The following FOXP1 variants were observed in gnomAD, a reference collection of about 807,000 sequenced individuals.
FOXP1 encodes forkhead box protein P1.
A neutral mutation model predicts 98.2 loss-of-function variants in FOXP1; 15 were observed. That is an observed-to-expected ratio of 0.15 (90% confidence interval 0.10 to 0.24). The LOEUF is 0.24. FOXP1 is among the 10% of genes least tolerant of loss of function. The pLI is 1.00. For synonymous variants in FOXP1, 371 were observed against 314.5 expected (o/e 1.18, Z -1.90); for missense variants, 633 against 848.5 (o/e 0.75, Z 3.15).
intron 10 of FOXP1, among the ~76,000 whole-genome samples, chr3:71,044,254 A>G (rs969806883): frequency 6.6e-6 from 1 of 152,230 alleles, no homozygotes; most frequent in Non-Finnish European, 1.5e-5. Context: ...ACTAAGAATA[A>G]TAGTACGAAG....
chr3:71,233,241 A>G (rs1371348199), intron 5 of FOXP1, among the ~76,000 whole-genome samples: 2 of 132,916 alleles, frequency 1.5e-5, no homozygotes, highest in Non-Finnish European at 1.6e-5. Flanking sequence ...GAGGGGAGGG[A>G]AGGGGAGAGG....
At chr3:71,300,777 A>G (rs1698171232) in intron 4 of FOXP1, among the ~76,000 whole-genome samples, 1 of 152,214 alleles carries the variant, frequency 6.6e-6, no homozygotes, top group Admixed American at 6.5e-5. Context: ...AGGTGGCGAA[A>G]TCATATCATC....
intron 2 of FOXP1, among the ~76,000 whole-genome samples, chr3:71,567,375 G>A (rs1017959145): frequency 1.3e-5 from 2 of 151,774 alleles, no homozygotes; most frequent in East Asian, 1.9e-4. Flanking sequence ...CCGAAACGCA[G>A]AGACTCCGTC....
chr3:71,093,385 C>A (rs2056108014), intron 7 of FOXP1, among the ~76,000 whole-genome samples: 1 of 149,218 alleles, frequency 6.7e-6, no homozygotes, highest in South Asian at 2.2e-4. Flanking sequence ...ATAATAGCCA[C>A]TGGCCACATA....
At chr3:71,362,061 G>A (rs2078606934) in intron 3 of FOXP1, among the ~76,000 whole-genome samples, 1 of 152,196 alleles carries the variant, frequency 6.6e-6, no homozygotes, top group Non-Finnish European at 1.5e-5. Context: ...CTGTGGACAA[G>A]TCTGACTTTT....
chr3:71,577,558 T>A (rs958684947), intron 2 of FOXP1, among the ~76,000 whole-genome samples: 6 of 152,206 alleles, frequency 3.9e-5, no homozygotes, highest in Non-Finnish European at 2.9e-5. Context: ...TTTTGGAGCC[T>A]TTATCCTTAA....
chr3:71,542,539 T>C (rs1291234757), intron 2 of FOXP1, among the ~76,000 whole-genome samples: 3 of 152,228 alleles, frequency 2.0e-5, no homozygotes, highest in African/African-American at 7.2e-5. Flanking sequence ...CGAAAATGAT[T>C]TCCCTGCCTC....
At chr3:71,418,518 T>C (rs908627569) in intron 3 of FOXP1, among the ~76,000 whole-genome samples, 2 of 152,202 alleles carry the variant, frequency 1.3e-5, no homozygotes, top group South Asian at 4.1e-4. Context: ...CTATAATAAT[T>C]CAATGCTGGT....
chr3:71,151,879 G>A (rs960755385), intron 6 of FOXP1, among the ~76,000 whole-genome samples: 1 of 152,066 alleles, frequency 6.6e-6, no homozygotes, highest in Non-Finnish European at 1.5e-5. Flanking sequence ...AACAATCCAC[G>A]AACAGTAGTG....
rs1013329420 is a variant in FOXP1, at chr3:70,954,894, CAAA to C, written c.*4350_*4352del. 4.3e-6 allele frequency: 1 copy of C among 232,488 alleles called. No individual in the cohort carries two copies. Among genetic ancestry groups the C allele is most frequent in the African/African-American group, 2.2e-5 (1 of 45,236 alleles). 14.4% of individuals were successfully genotyped at this position (232,488 alleles called of 1,614,324 possible). On this transcript the variant is annotated 3_prime_UTR_variant, in exon 21 of 21. Coordinates refer to ENST00000649528, the MANE Select transcript of FOXP1 (RefSeq NM_001349338.3). ...CTTATCAAAACAAAACAAAACAAAA[CAAA>C]AAAATTCTTGTTACTGGCAGCACAT...
At position 71,025,365 on chromosome 3, in the gene FOXP1, C is replaced by A. The variant is rs1005598237; in HGVS notation, c.870-9712G>T. Among the ~76,000 whole-genome samples, 3 of 152,026 alleles carry A rather than the reference C, an allele frequency of 2.0e-5. No individual in the cohort carries two copies. The East Asian group carries it at 5.8e-4, about 29-fold the overall frequency. On this transcript the variant is annotated intron_variant, in intron 11 of 20. Coordinates refer to ENST00000649528, the MANE Select transcript of FOXP1 (RefSeq NM_001349338.3). ...CGCACGACTATGCATGTGGAGTAAG[C>A]CCCCAGAGCTGCTGGGCCATGGACC... is the stretch of plus-strand genomic sequence containing the variant.
intron 12 of FOXP1, among the ~76,000 whole-genome samples, chr3:71,008,410 G>A (rs922008235): frequency 2.6e-5 from 4 of 152,108 alleles, no homozygotes; most frequent in African/African-American, 7.2e-5. Context: ...GAAGAACGCC[G>A]ATGAGCTTCA....
At chr3:71,308,362 C>T (rs1403795580) in intron 4 of FOXP1, among the ~76,000 whole-genome samples, 3 of 152,176 alleles carry the variant, frequency 2.0e-5, no homozygotes, top group African/African-American at 7.2e-5. Flanking sequence ...AAAGGCAAAA[C>T]ATCTTTCAGT....
At chr3:70,987,658 T>A (rs1392565737) in intron 14 of FOXP1, among the ~76,000 whole-genome samples, 1 of 152,234 alleles carries the variant, frequency 6.6e-6, no homozygotes, top group African/African-American at 2.4e-5. Context: ...CTTCTCTGCG[T>A]TCCTACCATT....
chr3:71,352,470 CAA>C (rs34693899), intron 4 of FOXP1, among the ~76,000 whole-genome samples: 2 of 67,130 alleles, frequency 3.0e-5, no homozygotes, highest in African/African-American at 6.8e-5. Flanking sequence ...GACTCCATCT[CAA>C]AAAAAAAAAA....
intron 3 of FOXP1, among the ~76,000 whole-genome samples, chr3:71,421,638 C>T (rs2083656339): frequency 6.6e-6 from 1 of 152,116 alleles, no homozygotes; most frequent in Non-Finnish European, 1.5e-5. Context: ...ACAGAGACAC[C>T]TGCGTAGTGA....
In FOXP1 at chr3:70,958,039, G is replaced by A. The variant is rs771846939; in HGVS notation, c.*1208C>T. The A allele has an allele frequency of 2.2e-4, 56 of 250,546 alleles. No homozygotes were observed. Among genetic ancestry groups the A allele is most frequent in the East Asian group, 2.9e-4 (5 of 17,404 alleles). The allele number at this position is 250,546 out of a possible 1,614,324, so 15.5% of individuals were successfully genotyped here. A position where few individuals can be genotyped will look rare whatever the true frequency, so the allele number is the denominator to read the frequency against. ...ACAAAACCAACCCACACCCGTTATCGCAGAGCACCCAAGGCCCATGGCAAC... is the reference window on the plus strand; with the variant it reads ...ACAAAACCAACCCACACCCGTTATCACAGAGCACCCAAGGCCCATGGCAAC... On this transcript the variant is annotated 3_prime_UTR_variant, in exon 21 of 21. Transcript: ENST00000649528.
At position 70,973,640 on chromosome 3, in the gene FOXP1, A is replaced by G. The variant is rs550350535; in HGVS notation, c.1531-964T>C. On this transcript the variant is annotated intron_variant, in intron 17 of 20. Coordinates refer to ENST00000649528, the MANE Select transcript of FOXP1 (RefSeq NM_001349338.3). ...CGCCTGGTTAAACTTACGGATCCAG[A>G]CTCAACGCTGGACATGAAGACATTC... Among the ~76,000 whole-genome samples, 18 of 152,258 alleles carry G rather than the reference A, an allele frequency of 1.2e-4. No homozygotes were observed. In the South Asian group the frequency reaches 3.1e-3, roughly 26 times the overall value.
Position 70,977,961 on chromosome 3 carries a change from A to G in FOXP1, c.1215T>C (p.His405=). Residue 405 remains histidine, a synonymous_variant, in exon 15 of 21, where the codon CAT becomes CAC. Coordinates refer to ENST00000649528, the MANE Select transcript of FOXP1 (RefSeq NM_001349338.3). ...ASEASPQSLP[H]TPTTPTAPLT... Reference sequence around the variant, plus strand: ...GGGGGGCGGTTGGGGTCGTTGGAGTATGAGGTAAGCTCTGTGGAGAAGCCT... The same window carrying G: ...GGGGGGCGGTTGGGGTCGTTGGAGTGTGAGGTAAGCTCTGTGGAGAAGCCT... The G allele has an allele frequency of 1.2e-6, 2 of 1,614,160 alleles. No individual in the cohort carries two copies. The highest frequency in any genetic ancestry group is 1.7e-6 in the Non-Finnish European group (2 of 1,180,014).
Sources: gnomAD v4.1 joint callset for allele counts (sites outside exome capture counted in the v4.1 genomes callset) on GRCh38, gnomAD v4.1.1 for gene constraint, MANE v1.5 for transcripts, NCBI Gene and HGNC (gene_info 2026-07-23, HGNC 2026-07-21) for gene names.